SOWAHC: variants seen among roughly 807,000 people sequenced by gnomAD.
SOWAHC encodes the protein sosondowah ankyrin repeat domain family member C, also known as ankyrin repeat domain-containing protein SOWAHC.
In SOWAHC, 12 loss-of-function variants were observed where a neutral mutation model predicts 14.4. That is an observed-to-expected ratio of 0.83 (90% CI 0.53 to 1.35). The LOEUF (loss-of-function observed/expected upper bound fraction) is 1.35, where lower values mean the gene tolerates loss of function less well. SOWAHC is among the 40% of genes most tolerant of loss of function. The pLI, the probability that SOWAHC is intolerant of heterozygous loss-of-function variation, is 0.00. For synonymous variants in SOWAHC, 398 were observed against 347.0 expected, an observed-to-expected ratio of 1.15 and a Z score of -1.63; for missense variants, 771 against 752.8, an observed-to-expected ratio of 1.02 and a Z score of -0.28.
chr2:109,616,230 A>G lies in SOWAHC; in HGVS notation c.*163A>G, dbSNP rs564670087. The G allele has an allele frequency of 2.5e-5, 29 of 1,137,474 alleles. No individual in the cohort carries two copies. In the African/African-American group the frequency reaches 3.7e-4, roughly 15 times the overall value. The allele number at this position is 1,137,474 out of a possible 1,614,324, so 70.5% of individuals were successfully genotyped here. A position where few individuals can be genotyped will look rare whatever the true frequency, so the allele number is the denominator to read the frequency against. Reference sequence around the variant, plus strand: ...TCTCTTCAGGCTAGCCTTCTGGGAAAAGTGGATGTCTTTTTCAGAGATTCA... The same window carrying G: ...TCTCTTCAGGCTAGCCTTCTGGGAAGAGTGGATGTCTTTTTCAGAGATTCA... On this transcript the variant is annotated 3_prime_UTR_variant, in exon 1 of 1. Coordinates refer to ENST00000356454, the MANE Select transcript of SOWAHC (RefSeq NM_023016.4).
Position 109,618,335 on chromosome 2 carries a change from A to C in SOWAHC, c.*2268A>C, listed in dbSNP as rs187848115. ...AAAGAGCAGATGCTTCAGAACCATC[A>C]GAAGGTTCTGGTCAACAGTCAGTAT... is the stretch of plus-strand genomic sequence containing the variant. On this transcript the variant is annotated 3_prime_UTR_variant, in exon 1 of 1. Transcript: ENST00000356454. 240 of 167,112 alleles carry C rather than the reference A, an allele frequency of 1.4e-3. 1 individual carries two copies. The highest frequency in any genetic ancestry group is 6.2e-3 in the South Asian group (30 of 4,822). The allele number at this position is 167,112 out of a possible 1,614,324, so 10.4% of individuals were successfully genotyped here.
At position 109,616,424 on chromosome 2, in the gene SOWAHC, G is replaced by A. The variant is rs1188062791; in HGVS notation, c.*357G>A. 1 of 176,868 alleles carries A rather than the reference G, an allele frequency of 5.7e-6. No individual in the cohort carries two copies. Among genetic ancestry groups the A allele is most frequent in the African/African-American group, 2.4e-5 (1 of 41,860 alleles). The allele number at this position is 176,868 out of a possible 1,614,324, so 11.0% of individuals were successfully genotyped here. A position where few individuals can be genotyped will look rare whatever the true frequency, so the allele number is the denominator to read the frequency against. ...TGCCTGCAAAGTAAGGAATAATGCA[G>A]TTTTTATGTATCTGATTTTATAAGG... On this transcript the variant is annotated 3_prime_UTR_variant, in exon 1 of 1. Coordinates refer to ENST00000356454, the MANE Select transcript of SOWAHC (RefSeq NM_023016.4).
chr2:109,615,872 G>T lies in SOWAHC; in HGVS notation c.1383G>T (p.Ser461=). The T allele has an allele frequency of 6.2e-7, 1 of 1,613,876 alleles. No individual in the cohort carries two copies. The highest frequency in any genetic ancestry group is 1.1e-5 in the South Asian group (1 of 91,052). The change falls in exon 1 of 1, where the codon TCG becomes TCT. Residue 461 remains serine (S), a synonymous_variant. Transcript: ENST00000356454. ...CCAAGGATCCAGGGCGCAAAGCCTCGGGCAGCTCTAGTGGACGTATAAAAC... is the reference window on the plus strand; with the variant it reads ...CCAAGGATCCAGGGCGCAAAGCCTCTGGCAGCTCTAGTGGACGTATAAAAC... ...GKAKDPGRKA[S]GSSSGRIKPR...
rs1252075885 is a variant in SOWAHC, at chr2:109,615,440, T to G, written c.951T>G (p.Leu317=). The change falls in exon 1 of 1, where the codon CTT becomes CTG. Residue 317 remains leucine (L), a synonymous_variant. Coordinates refer to ENST00000356454, the MANE Select transcript of SOWAHC (RefSeq NM_023016.4). ...CCGCCAAGCACGGCAGGCAGGAGCT[T>G]CTGGCCATGCTAGTCAACTTCGCCA... The part of the protein sequence containing the change: ...HWAAKHGRQE[L]LAMLVNFANK... 15 of 1,613,016 alleles carry G rather than the reference T, an allele frequency of 9.3e-6. No individual in the cohort carries two copies.
At position 109,618,164 on chromosome 2, in the gene SOWAHC, G is replaced by A. The variant is rs139136813; in HGVS notation, c.*2097G>A. Reference sequence around the variant, plus strand: ...GTGGGTGAAAAACCAATCTAATTTTGTATAAATAAAAACAGGCTCCTGGAA... The same window carrying A: ...GTGGGTGAAAAACCAATCTAATTTTATATAAATAAAAACAGGCTCCTGGAA... On this transcript the variant is annotated 3_prime_UTR_variant, in exon 1 of 1. Coordinates refer to ENST00000356454, the MANE Select transcript of SOWAHC (RefSeq NM_023016.4). 2 of 166,972 alleles carry A rather than the reference G, an allele frequency of 1.2e-5. No individual in the cohort carries two copies. The highest frequency in any genetic ancestry group is 1.9e-4 in the East Asian group (1 of 5,176). The allele number at this position is 166,972 out of a possible 1,614,324, so 10.3% of individuals were successfully genotyped here.
At position 109,615,936 on chromosome 2, in the gene SOWAHC, C is replaced by G. The variant is rs1700136580; in HGVS notation, c.1447C>G (p.His483Asp). The G allele has an allele frequency of 6.2e-7, 1 of 1,603,148 alleles. No individual in the cohort carries two copies. Residue 483 changes from histidine to aspartate, a missense_variant, in exon 1 of 1, where the codon CAC (histidine) becomes GAC (aspartate). Physicochemically the swap from His to Asp is moderately conservative, Grantham distance 81. Coordinates refer to ENST00000356454, the MANE Select transcript of SOWAHC (RefSeq NM_023016.4). ...NKIRFRTQIV[H>D]TTPSFRDPEQ... ...AATCCGATTCAGAACCCAGATCGTC[C>G]ACACCACACCCTCTTTCAGGGACCC...
Position 109,617,835 on chromosome 2 carries a change from A to G in SOWAHC, c.*1768A>G, listed in dbSNP as rs1264365658. 1 of 159,440 alleles carries G rather than the reference A, an allele frequency of 6.3e-6. No homozygotes were observed. Among genetic ancestry groups the G allele is most frequent in the African/African-American group, 2.4e-5 (1 of 41,416 alleles). The allele number at this position is 159,440 out of a possible 1,614,324, so 9.9% of individuals were successfully genotyped here. On this transcript the variant is annotated 3_prime_UTR_variant, in exon 1 of 1. Transcript: ENST00000356454. ...GGAGTTTGAAACCAGCCTGGCCAACATGGTGAAAACCTGTCTCTACTAAAA... is the reference window on the plus strand; with the variant it reads ...GGAGTTTGAAACCAGCCTGGCCAACGTGGTGAAAACCTGTCTCTACTAAAA...
In SOWAHC at chr2:109,616,530, G is replaced by A. The variant is rs1023030181; in HGVS notation, c.*463G>A. ...TTTCTAAGTGTGAAAACGACAGGCT[G>A]CCCCGTTTTTACTAATTGCATTTGC... On this transcript the variant is annotated 3_prime_UTR_variant, in exon 1 of 1. Transcript: ENST00000356454. The A allele has an allele frequency of 1.2e-5, 2 of 167,200 alleles. No homozygotes were observed. The highest frequency in any genetic ancestry group is 4.8e-5 in the African/African-American group (2 of 41,476). 10.4% of individuals were successfully genotyped at this position (167,200 alleles called of 1,614,324 possible).
Position 109,617,728 on chromosome 2 carries a change from T to C in SOWAHC, c.*1661T>C, listed in dbSNP as rs1224601116. The C allele has an allele frequency of 6.0e-6, 1 of 166,844 alleles. No individual in the cohort carries two copies. The allele number at this position is 166,844 out of a possible 1,614,324, so 10.3% of individuals were successfully genotyped here. On this transcript the variant is annotated 3_prime_UTR_variant, in exon 1 of 1. Coordinates refer to ENST00000356454, the MANE Select transcript of SOWAHC (RefSeq NM_023016.4). Reference sequence around the variant, plus strand: ...GATGGTCATTGAATTTGTTTAAAGATGGATGAAAGGCCAGGCATGGTGGCT... The same window carrying C: ...GATGGTCATTGAATTTGTTTAAAGACGGATGAAAGGCCAGGCATGGTGGCT...
Position 109,615,026 on chromosome 2 carries a change from G to A in SOWAHC, c.537G>A (p.Pro179=). The change falls in exon 1 of 1, where the codon CCG becomes CCA. Residue 179 remains proline (P), a synonymous_variant. Coordinates refer to ENST00000356454, the MANE Select transcript of SOWAHC (RefSeq NM_023016.4). ...APGPSEDLEL[P]PHGCEEADRG... ...GGCCCAGCGAGGACCTGGAGCTCCC[G>A]CCACATGGCTGCGAGGAGGCGGACA... The A allele has an allele frequency of 6.5e-7, 1 of 1,547,174 alleles. No individual in the cohort carries two copies. The highest frequency in any genetic ancestry group is 8.7e-7 in the Non-Finnish European group (1 of 1,146,552).
Position 109,616,382 on chromosome 2 carries a change from C to G in SOWAHC, c.*315C>G, listed in dbSNP as rs1700153474. ...GAATTAATGAATGAGAGTTCCTTTG[C>G]TTTAACCATTCCTGGATGCCTGCAA... On this transcript the variant is annotated 3_prime_UTR_variant, in exon 1 of 1. Transcript: ENST00000356454. The G allele has an allele frequency of 4.7e-6, 1 of 213,852 alleles. No homozygotes were observed. The highest frequency in any genetic ancestry group is 1.0e-5 in the Non-Finnish European group (1 of 100,316). 13.2% of individuals were successfully genotyped at this position (213,852 alleles called of 1,614,324 possible).
Position 109,615,416 on chromosome 2 carries a change from C to A in SOWAHC, c.927C>A (p.Ala309=), listed in dbSNP as rs745441614. The change falls in exon 1 of 1, where the codon GCC becomes GCA. Residue 309 remains alanine (A), a synonymous_variant. Transcript: ENST00000356454. ...FITGFTCLHW[A]AKHGRQELLA... The stretch of plus-strand genomic sequence containing the variant: ...CCGGCTTCACTTGCCTGCACTGGGC[C>A]GCCAAGCACGGCAGGCAGGAGCTTC... 7 of 1,612,960 alleles carry A rather than the reference C, an allele frequency of 4.3e-6. No individual in the cohort carries two copies. The African/African-American group carries it at 5.3e-5, about 12-fold the overall frequency.
rs768112213 is a variant in SOWAHC, at chr2:109,616,008, C to T, written c.1519C>T (p.Arg507Ter). 1.3e-6 allele frequency: 2 copies of T among 1,534,294 alleles called. No homozygotes were observed. Among genetic ancestry groups the T allele is most frequent in the East Asian group, 2.3e-5 (1 of 44,354 alleles). ...GGGGGAGGAGGGAGTGGGGGAGGAACGACCTGTTAAAGGCCACTCGCCCTT... is the reference window on the plus strand; with the variant it reads ...GGGGGAGGAGGGAGTGGGGGAGGAATGACCTGTTAAAGGCCACTCGCCCTT... ...GRGEEGVGEE[R>*]PVKGHSPFTL... Residue 507 changes from arginine to a stop codon, truncating the protein, a stop_gained, in exon 1 of 1, where the codon CGA becomes TGA. Transcript: ENST00000356454. LOFTEE classifies it high-confidence loss of function.
chr2:109,615,963 G>C lies in SOWAHC; in HGVS notation c.1474G>C (p.Glu492Gln). ...CACCACACCCTCTTTCAGGGACCCA[G>C]AGCAGCCGCTGGAGGGCAGGGGGGA... ...VHTTPSFRDP[E>Q]QPLEGRGEEG... The change falls in exon 1 of 1, where the codon GAG (glutamate) becomes CAG (glutamine). Residue 492 changes from glutamate (E) to glutamine (Q), a missense_variant. Glu to Gln is a conservative substitution (Grantham distance 29, BLOSUM62 2). Coordinates refer to ENST00000356454, the MANE Select transcript of SOWAHC (RefSeq NM_023016.4). The C allele has an allele frequency of 2.5e-6, 4 of 1,581,826 alleles. No homozygotes were observed. Among genetic ancestry groups the C allele is most frequent in the Non-Finnish European group, 2.6e-6 (3 of 1,165,520 alleles).
chr2:109,614,447 C>G lies in SOWAHC; in HGVS notation c.-43C>G. On this transcript the variant is annotated 5_prime_UTR_variant, in exon 1 of 1. Coordinates refer to ENST00000356454, the MANE Select transcript of SOWAHC (RefSeq NM_023016.4). ...CCGCTGGGAGCCCGTCGCTATGGGA[C>G]CGCGCTGAGCCGCCCGCTGGCGGGG... The G allele has an allele frequency of 1.7e-6, 2 of 1,194,772 alleles. No homozygotes were observed. Among genetic ancestry groups the G allele is most frequent in the Non-Finnish European group, 2.1e-6 (2 of 960,954 alleles). 74.0% of individuals were successfully genotyped at this position (1,194,772 alleles called of 1,614,324 possible). A position where few individuals can be genotyped will look rare whatever the true frequency, so the allele number is the denominator to read the frequency against.
rs1700104842 is a variant in SOWAHC, at chr2:109,615,560, G to A, written c.1071G>A (p.Val357=). ...LAAMHGHVEV[V]KLLVGAYDAD... is the part of the protein sequence containing the mutation. The stretch of plus-strand genomic sequence containing the variant: ...CCATGCACGGCCACGTGGAGGTGGT[G>A]AAGCTGCTGGTGGGGGCCTACGACG... Residue 357 remains valine, a synonymous_variant, in exon 1 of 1, where the codon GTG becomes GTA. Transcript: ENST00000356454. 1 of 1,613,940 alleles carries A rather than the reference G, an allele frequency of 6.2e-7. No homozygotes were observed. Among genetic ancestry groups the A allele is most frequent in the Non-Finnish European group, 8.5e-7 (1 of 1,180,058 alleles).
At position 109,616,311 on chromosome 2, in the gene SOWAHC, T is replaced by C; in HGVS notation, c.*244T>C. 2.6e-6 allele frequency: 1 copy of C among 378,784 alleles called. No individual in the cohort carries two copies. Among genetic ancestry groups the C allele is most frequent in the Non-Finnish European group, 4.6e-6 (1 of 216,648 alleles). The allele number at this position is 378,784 out of a possible 1,614,324, so 23.5% of individuals were successfully genotyped here. ...CTCCACTTCCCTGCCCTGGAGTCCG[T>C]TTCTGGAGACTAGAAATGTATCTAA... On this transcript the variant is annotated 3_prime_UTR_variant, in exon 1 of 1. Coordinates refer to ENST00000356454, the MANE Select transcript of SOWAHC (RefSeq NM_023016.4).
Position 109,617,240 on chromosome 2 carries a change from C to T in SOWAHC, c.*1173C>T, listed in dbSNP as rs1700162100. 4 of 166,782 alleles carry T rather than the reference C, an allele frequency of 2.4e-5. No individual in the cohort carries two copies. Among genetic ancestry groups the T allele is most frequent in the Non-Finnish European group, 1.5e-5 (1 of 68,112 alleles). 10.3% of individuals were successfully genotyped at this position (166,782 alleles called of 1,614,324 possible). On this transcript the variant is annotated 3_prime_UTR_variant, in exon 1 of 1. Transcript: ENST00000356454. ...CAATTAGATACCTATCCTGTAGTTA[C>T]TGAAAATCTGGGTAGTAAATCTACC... is the stretch of plus-strand genomic sequence containing the variant.
In SOWAHC at chr2:109,616,734, C is replaced by T. The variant is rs1445259319; in HGVS notation, c.*667C>T. ...CTGAACAAAAGAAACAGGCAACATTCACTTCTGTAGTATGGTTTCCACCTA... is the reference window on the plus strand; with the variant it reads ...CTGAACAAAAGAAACAGGCAACATTTACTTCTGTAGTATGGTTTCCACCTA... On this transcript the variant is annotated 3_prime_UTR_variant, in exon 1 of 1. Coordinates refer to ENST00000356454, the MANE Select transcript of SOWAHC (RefSeq NM_023016.4). 1 of 167,070 alleles carries T rather than the reference C, an allele frequency of 6.0e-6. No individual in the cohort carries two copies. The highest frequency in any genetic ancestry group is 1.5e-5 in the Non-Finnish European group (1 of 68,110). 10.3% of individuals were successfully genotyped at this position (167,070 alleles called of 1,614,324 possible).
Sources: gnomAD v4.1 joint callset for allele counts on GRCh38, gnomAD v4.1.1 for gene constraint, MANE v1.5 for transcripts, NCBI Gene and HGNC (gene_info 2026-07-23, HGNC 2026-07-21) for gene names.